Variants in EYS observed in about 807,000 individuals in gnomAD.
The protein encoded by EYS is protein eyes shut homolog.
A neutral mutation model predicts 282.1 loss-of-function variants in EYS; 250 were observed. That is an observed-to-expected ratio of 0.89 (90% confidence interval 0.80 to 0.98). The LOEUF (loss-of-function observed/expected upper bound fraction) is 0.98, where lower values mean the gene tolerates loss of function less well. Ranked by LOEUF, EYS falls within the 50% of genes least tolerant of loss-of-function variation. EYS has a pLI of 0.00. For synonymous variants in EYS, 1,355 were observed against 1,282.9 expected (o/e 1.06, Z -1.20); for missense variants, 4,016 against 3,709.0 (o/e 1.08, Z -2.15).
chr6:64,553,512 A>G (rs972340749), intron 26 of EYS, among the ~76,000 whole-genome samples: 3 of 149,424 alleles, frequency 2.0e-5, no homozygotes. Flanking sequence ...AGTTTTAGAA[A>G]TGAAAATCAA....
chr6:65,241,899 T>TATGTATGTGTGTA (rs1350411313), intron 12 of EYS, among the ~76,000 whole-genome samples: 7 of 152,124 alleles, frequency 4.6e-5, no homozygotes, highest in Non-Finnish European at 4.4e-5. Context: ...TCCTAATGTG[T>TATGTATGTGTGTA]GCATGCGTGT....
At chr6:65,443,666 T>C (rs1052713583) in intron 5 of EYS, among the ~76,000 whole-genome samples, 6 of 151,372 alleles carry the variant, frequency 4.0e-5, no homozygotes, top group Non-Finnish European at 7.4e-5. Context: ...CACATATACG[T>C]ATACATCATA....
At chr6:64,264,954 T>C (rs948233236) in intron 30 of EYS, among the ~76,000 whole-genome samples, 1 of 151,982 alleles carries the variant, frequency 6.6e-6, no homozygotes, top group Non-Finnish European at 1.5e-5. Flanking sequence ...GGCATGGATA[T>C]AGGAAGAGGT....
At chr6:64,429,687 G>T (rs1163804033) in intron 28 of EYS, among the ~76,000 whole-genome samples, 1 of 152,048 alleles carries the variant, frequency 6.6e-6, no homozygotes, top group Non-Finnish European at 1.5e-5. Flanking sequence ...TAATTAACTG[G>T]CCTATATAGG....
chr6:64,246,795 A>T (rs1406597577), intron 30 of EYS, among the ~76,000 whole-genome samples: 1 of 152,224 alleles, frequency 6.6e-6, no homozygotes, highest in Non-Finnish European at 1.5e-5. Flanking sequence ...AAAAGCAATG[A>T]ACCCCTATGG....
chr6:65,620,333 T>G (rs1215237565), intron 2 of EYS, among the ~76,000 whole-genome samples: 2 of 152,192 alleles, frequency 1.3e-5, no homozygotes, highest in Non-Finnish European at 2.9e-5. Flanking sequence ...TTTTCTAGTT[T>G]ATTTGCGTAG....
intron 15 of EYS, among the ~76,000 whole-genome samples, chr6:64,938,423 G>A (rs1312030724): frequency 2.6e-5 from 4 of 151,354 alleles, no homozygotes; most frequent in Non-Finnish European, 1.5e-5. Flanking sequence ...AGTTATTGTT[G>A]TTAATCTCTT....
intron 5 of EYS, among the ~76,000 whole-genome samples, chr6:65,480,206 A>T (rs1356435688): frequency 6.6e-6 from 1 of 152,072 alleles, no homozygotes; most frequent in Non-Finnish European, 1.5e-5. Context: ...AAGGCAAATC[A>T]GAGACAGAGA....
intron 2 of EYS, among the ~76,000 whole-genome samples, chr6:65,536,675 A>G (rs1767974591): frequency 6.6e-6 from 1 of 152,196 alleles, no homozygotes; most frequent in African/African-American, 2.4e-5. Flanking sequence ...AACAGAAGAA[A>G]GTAGTGAAGG....
At chr6:64,346,793 G>A (rs531734687) in intron 29 of EYS, among the ~76,000 whole-genome samples, 6 of 151,372 alleles carry the variant, frequency 4.0e-5, no homozygotes, top group African/African-American at 7.3e-5. Context: ...GGAGACTTCC[G>A]TTGATTGTAA....
chr6:64,260,064 C>T lies in EYS; in HGVS notation c.6192-29240G>A, dbSNP rs539816995. On this transcript the variant is annotated intron_variant, in intron 30 of 42. Transcript: ENST00000503581. ...CTTAGCGTTAAGTATGTAAATGTGA[C>T]TTAAGTTCTGGCCAATGAAATATGT... Among the ~76,000 whole-genome samples, 5 of 152,080 alleles carry T rather than the reference C, an allele frequency of 3.3e-5. No homozygotes were observed. The South Asian group carries it at 1.0e-3, about 32-fold the overall frequency.
intron 12 of EYS, among the ~76,000 whole-genome samples, chr6:65,141,381 T>A (rs1251572023): frequency 6.6e-6 from 1 of 151,878 alleles, no homozygotes; most frequent in Non-Finnish European, 1.5e-5. Context: ...TTAGGAGATA[T>A]ACCTAATGCT....
chr6:64,363,578 T>A (rs1019104392), intron 29 of EYS, among the ~76,000 whole-genome samples: 24 of 72,092 alleles, frequency 3.3e-4, no homozygotes, highest in African/African-American at 1.5e-3. Flanking sequence ...AGAGCTGTGA[T>A]AAGTTAAGTT....
chr6:64,355,424 T>C (rs1771791660), intron 29 of EYS, among the ~76,000 whole-genome samples: 2 of 151,570 alleles, frequency 1.3e-5, no homozygotes, highest in South Asian at 2.1e-4. Context: ...TAGTTTCACA[T>C]AGTTCGTAAC....
In EYS at chr6:64,797,036, G is replaced by A. The variant is rs1236165511; in HGVS notation, c.3443+16342C>T. ...CACATCCATTTCTCCAGTATACTGCGGAATTTCAAACAAGGAGAAAAATCT... is the reference window on the plus strand; with the variant it reads ...CACATCCATTTCTCCAGTATACTGCAGAATTTCAAACAAGGAGAAAAATCT... On this transcript the variant is annotated intron_variant, in intron 22 of 42. Coordinates refer to ENST00000503581, the MANE Select transcript of EYS (RefSeq NM_001142800.2). 2.6e-5 allele frequency among the ~76,000 whole-genome samples: 4 copies of A among 151,992 alleles called. No individual in the cohort carries two copies. In the East Asian group the frequency reaches 5.8e-4, roughly 22 times the overall value.
At chr6:64,014,371 T>A (rs1043017734) in intron 33 of EYS, among the ~76,000 whole-genome samples, 21 of 152,152 alleles carry the variant, frequency 1.4e-4, no homozygotes, top group Admixed American at 1.2e-3. Flanking sequence ...GTATGTAGTT[T>A]TTTTGTTTTC....
At chr6:64,644,628 T>A (rs1298194121) in intron 22 of EYS, among the ~76,000 whole-genome samples, 2 of 152,170 alleles carry the variant, frequency 1.3e-5, no homozygotes, top group East Asian at 3.8e-4. Flanking sequence ...TCCAGAGAAG[T>A]AGTAGAACAT....
chr6:65,172,544 T>C (rs1300590836), intron 12 of EYS, among the ~76,000 whole-genome samples: 1 of 151,408 alleles, frequency 6.6e-6, no homozygotes, highest in Non-Finnish European at 1.5e-5. Flanking sequence ...TTACTGTTTT[T>C]CTTAAATGTA....
At chr6:64,141,746 A>T (rs899443888) in intron 31 of EYS, among the ~76,000 whole-genome samples, 3 of 152,184 alleles carry the variant, frequency 2.0e-5, no homozygotes, top group Admixed American at 6.6e-5. Context: ...AACAATGAGC[A>T]ATATTTTTCT....
Sources: allele counts gnomAD v4.1 joint callset (sites outside exome capture counted in the v4.1 genomes callset), GRCh38; gene constraint gnomAD v4.1.1; transcripts MANE v1.5; gene names NCBI Gene and HGNC (gene_info 2026-07-23, HGNC 2026-07-21).